DDHD2: variants seen among roughly 807,000 people sequenced by gnomAD.
The protein encoded by DDHD2 is triacylglycerol hydrolase DDHD2.
Under a neutral mutation model 91.2 loss-of-function variants are expected in DDHD2, and 62 were observed. The observed-to-expected ratio is 0.68, with a 90% confidence interval of 0.55 to 0.84. The LOEUF is 0.84. DDHD2 is among the 40% of genes least tolerant of loss of function. DDHD2 has a pLI of 0.00. For synonymous variants in DDHD2, 271 were observed against 293.9 expected (o/e 0.92, Z 0.80); for missense variants, 740 against 846.9 (o/e 0.87, Z 1.57).
intron 1 of DDHD2, chr8:38,268,094 G>A: frequency 6.7e-7 from 1 of 1,493,660 alleles, no homozygotes; most frequent in Non-Finnish European, 8.9e-7. Context: ...AATAATTAGG[G>A]TCCTCAGTGA....
chr8:38,259,066 T>C (rs1806758631), intron 16 of DDHD2, among the ~76,000 whole-genome samples: 1 of 152,168 alleles, frequency 6.6e-6, no homozygotes, highest in Non-Finnish European at 1.5e-5. Context: ...TACTTTCTTA[T>C]ATTGTTGGAA....
In DDHD2 at chr8:38,251,952, A is replaced by AC. The variant is rs867389476; in HGVS notation, c.1386dup (p.Ile463HisfsTer6). 1.4e-5 allele frequency: 22 copies of AC among 1,614,180 alleles called. No homozygotes were observed. The highest frequency in any genetic ancestry group is 1.9e-5 in the Non-Finnish European group (22 of 1,180,018). ...GCCCCGCAGCCTGCTTCAGGGGCAA[A>AC]CATCCCCAAAGAATCTGAGTTCTGC... is the stretch of plus-strand genomic sequence containing the variant. On this transcript the variant is annotated frameshift_variant, in exon 12 of 18. Transcript: ENST00000397166. LOFTEE classifies it high-confidence loss of function.
chr8:38,240,616 TGTG>T (rs1805177262), intron 6 of DDHD2, among the ~76,000 whole-genome samples: 1 of 152,246 alleles, frequency 6.6e-6, no homozygotes, highest in African/African-American at 2.4e-5. Flanking sequence ...TGTTTTATGA[TGTG>T]GTGGTCCTAT....
chr8:38,234,559 C>T lies in DDHD2; in HGVS notation c.386C>T (p.Ser129Leu), dbSNP rs748398783. ...AAAGACAATAAGTATGTTCCCTACT[C>T]GGAGAGCTTCAGCCAAGTTTTAGAG... Reference protein sequence around the residue: ...GDKDNKYVPYSESFSQVLEET... With the variant: ...GDKDNKYVPYLESFSQVLEET... The change falls in exon 3 of 18, where the codon TCG becomes TTG. Residue 129 changes from serine (S) to leucine (L), a missense_variant. Ser to Leu is a moderately radical substitution (Grantham distance 145). Around this residue, in one of 2 missense-constraint regions of DDHD2, gnomAD observed 693 missense variants for 764.2 expected, o/e 0.91. Transcript: ENST00000397166. The T allele has an allele frequency of 4.0e-5, 64 of 1,609,586 alleles. No individual in the cohort carries two copies. Among genetic ancestry groups the T allele is most frequent in the Non-Finnish European group, 4.9e-5 (58 of 1,179,054 alleles).
intron 3 of DDHD2, among the ~76,000 whole-genome samples, chr8:38,234,963 C>T (rs994029957): frequency 6.6e-6 from 1 of 151,842 alleles, no homozygotes; most frequent in Non-Finnish European, 1.5e-5. Flanking sequence ...GCTATCTTTC[C>T]TCAGAAAAAG....
chr8:38,267,687 G>A (rs1807862389), downstream of DDHD2: 4 of 634,236 alleles, frequency 6.3e-6, no homozygotes, highest in Non-Finnish European at 1.1e-5. Context: ...GCCGTTGGTG[G>A]GAAATGCTGT....
chr8:38,267,673 T>C (rs768300567), downstream of DDHD2: 17 of 623,492 alleles, frequency 2.7e-5, no homozygotes, highest in Non-Finnish European at 4.1e-5. Flanking sequence ...GACCGACTGC[T>C]GTGGCCGTTG....
At position 38,254,745 on chromosome 8, in the gene DDHD2, G is replaced by A. The variant is rs920787192; in HGVS notation, c.2054+1027G>A. On this transcript the variant is annotated intron_variant, in intron 16 of 17. Transcript: ENST00000397166. The stretch of plus-strand genomic sequence containing the variant: ...AATGATGCTTATTGAAATTCAGGCC[G>A]GGTATGGTGGCTCATGCTTATAATC... Among the ~76,000 whole-genome samples, 7 of 151,942 alleles carry A rather than the reference G, an allele frequency of 4.6e-5. No individual in the cohort carries two copies. The South Asian group carries it at 6.2e-4, about 13-fold the overall frequency.
At chr8:38,264,905 C>T, downstream of DDHD2, 3 of 1,612,782 alleles carry the variant, frequency 1.9e-6, no homozygotes, top group Non-Finnish European at 2.5e-6. Flanking sequence ...TAACAAAGGT[C>T]CACTTATTGC....
intron 15 of DDHD2, 121 bp from the exon 16 acceptor site, chr8:38,253,435 A>G (rs1474894185): frequency 3.4e-6 from 3 of 876,588 alleles, no homozygotes; most frequent in Non-Finnish European, 3.5e-6. Flanking sequence ...AAGATGGGAG[A>G]GAGCTCTCTG....
At chr8:38,244,246 C>T (rs915943174) in intron 7 of DDHD2, among the ~76,000 whole-genome samples, 2 of 151,762 alleles carry the variant, frequency 1.3e-5, no homozygotes, top group African/African-American at 4.8e-5. Flanking sequence ...CAGTGCCTGG[C>T]CTGAACAGTA....
chr8:38,257,588 G>A (rs1806619393), intron 16 of DDHD2, among the ~76,000 whole-genome samples: 1 of 149,270 alleles, frequency 6.7e-6, no homozygotes, highest in African/African-American at 2.5e-5. Context: ...GTTGTCATTT[G>A]CTTTTTGGTT....
At position 38,259,530 on chromosome 8, in the gene DDHD2, C is replaced by T. The variant is rs139307597; in HGVS notation, c.2055-510C>T. ...TCTCCCCAGTAACTGGGACTACAGG[C>T]GCATACCACCACACCCTGCTAATTT... is the stretch of plus-strand genomic sequence containing the variant. On this transcript the variant is annotated intron_variant, in intron 16 of 17. Transcript: ENST00000397166. Among the ~76,000 whole-genome samples, 67 of 152,172 alleles carry T rather than the reference C, an allele frequency of 4.4e-4. No homozygotes were observed. The East Asian group carries it at 5.6e-3, about 13-fold the overall frequency.
intron 11 of DDHD2, 38 bp from the exon 12 acceptor site, chr8:38,251,874 T>G (rs1416056427): frequency 6.0e-6 from 9 of 1,495,614 alleles, no homozygotes; most frequent in Non-Finnish European, 7.5e-6. Context: ...CATGCCGTCA[T>G]GCCCAGCTTC....
At chr8:38,240,810 C>T (rs755951100) in intron 6 of DDHD2, among the ~76,000 whole-genome samples, 6 of 152,112 alleles carry the variant, frequency 3.9e-5, no homozygotes, top group African/African-American at 1.4e-4. Context: ...CGGTGGCTCA[C>T]GCCTGTAATC....
At chr8:38,255,131 G>C (rs1806408188) in intron 16 of DDHD2, among the ~76,000 whole-genome samples, 1 of 147,914 alleles carries the variant, frequency 6.8e-6, no homozygotes, top group Admixed American at 7.1e-5. Context: ...GGAGGCAGAG[G>C]TTGCAGTGAG....
chr8:38,263,815 C>T (rs1258235551), downstream of DDHD2: 3 of 984,994 alleles, frequency 3.0e-6, no homozygotes, highest in Non-Finnish European at 2.4e-6. Flanking sequence ...GTAAAGGCTT[C>T]TTTGTGACAA....
rs1039586489 is a variant in DDHD2 at position 38,269,111 on chromosome 8, G to T, written n.88-2011G>T. 7 of 1,525,632 alleles carry T rather than the reference G, an allele frequency of 4.6e-6. No individual in the cohort carries two copies. In the African/African-American group the frequency reaches 9.9e-5, roughly 22 times the overall value. The allele number at this position is 1,525,632 out of a possible 1,614,324, so 94.5% of individuals were successfully genotyped here. On this transcript the variant is annotated intron_variant and non_coding_transcript_variant, in intron 1 of 1. Coordinates refer to the DDHD2 transcript ENST00000526071. ...GAAGCGGGGCCGCCCGGGCCCGGCC[G>T]TGGATCTTTCTTACAGGAAGGCCGC...
chr8:38,239,723 AAAG>A (rs1306825254), intron 5 of DDHD2, among the ~76,000 whole-genome samples: 1 of 148,188 alleles, frequency 6.7e-6, no homozygotes, highest in Non-Finnish European at 1.5e-5. Context: ...AAAAAAAAAA[AAAG>A]AGTTTTTTTT....
Sources: allele counts gnomAD v4.1 joint callset (sites outside exome capture counted in the v4.1 genomes callset), GRCh38; gene constraint gnomAD v4.1.1; regional missense constraint gnomAD v4.1.1; transcripts MANE v1.5; gene names NCBI Gene and HGNC (gene_info 2026-07-23, HGNC 2026-07-21).